Variants in UBE2G1 observed in about 807,000 individuals in gnomAD.
UBE2G1 encodes ubiquitin conjugating enzyme E2 G1.
In UBE2G1, 5 loss-of-function variants were observed where a neutral mutation model predicts 22.7. The observed-to-expected ratio is 0.22, with a 90% CI of 0.12 to 0.46. UBE2G1 has a LOEUF of 0.46. UBE2G1 is among the 20% of genes least tolerant of loss of function. The pLI is 0.99. For synonymous variants in UBE2G1, 74 were observed against 67.5 expected (o/e 1.10, Z -0.47); for missense variants, 88 against 203.9 (o/e 0.43, Z 3.46).
At chr17:4,351,883 C>G (rs905892692) in intron 1 of UBE2G1, among the ~76,000 whole-genome samples, 4 of 152,108 alleles carry the variant, frequency 2.6e-5, no homozygotes, top group African/African-American at 9.7e-5. Context: ...CTCAAAATAC[C>G]AGATGCGGCC....
At chr17:4,349,586 G>GT (rs2143813866) in intron 1 of UBE2G1, among the ~76,000 whole-genome samples, 1 of 152,232 alleles carries the variant, frequency 6.6e-6, no homozygotes, top group African/African-American at 2.4e-5. Flanking sequence ...GCTCACGCCT[G>GT]TAATCCCAGC....
chr17:4,307,900 C>T (rs767134205), intron 1 of UBE2G1, among the ~76,000 whole-genome samples: 1 of 152,070 alleles, frequency 6.6e-6, no homozygotes, highest in Non-Finnish European at 1.5e-5. Context: ...AAGACAGGGA[C>T]CTTAAGGAGC....
chr17:4,342,775 G>T (rs752889348), intron 1 of UBE2G1, among the ~76,000 whole-genome samples: 17 of 152,032 alleles, frequency 1.1e-4, no homozygotes, highest in Non-Finnish European at 1.8e-4. Context: ...TGTAAATCAG[G>T]TCATATCACT....
At chr17:4,347,605 G>A (rs2143809969) in intron 1 of UBE2G1, among the ~76,000 whole-genome samples, 1 of 148,580 alleles carries the variant, frequency 6.7e-6, no homozygotes, top group South Asian at 2.1e-4. Context: ...CTCCCAAATA[G>A]CTGCAACTAC....
At chr17:4,281,551 A>G (rs1968892173) in intron 5 of UBE2G1, among the ~76,000 whole-genome samples, 2 of 152,180 alleles carry the variant, frequency 1.3e-5, no homozygotes, top group African/African-American at 4.8e-5. Context: ...ACAAATCAAT[A>G]GGTCTTTTAT....
intron 1 of UBE2G1, among the ~76,000 whole-genome samples, chr17:4,325,435 C>G (rs1357164769): frequency 6.6e-6 from 1 of 152,134 alleles, no homozygotes; most frequent in Non-Finnish European, 1.5e-5. Context: ...GCATGTATCA[C>G]ACATATGTAC....
At chr17:4,285,588 T>C (rs1377157494) in intron 4 of UBE2G1, among the ~76,000 whole-genome samples, 1 of 152,088 alleles carries the variant, frequency 6.6e-6, no homozygotes, top group Non-Finnish European at 1.5e-5. Flanking sequence ...AAAGATTCAA[T>C]TGAGAAGAGC....
At chr17:4,300,144 C>T (rs570757218) in intron 2 of UBE2G1, among the ~76,000 whole-genome samples, 3 of 151,868 alleles carry the variant, frequency 2.0e-5, no homozygotes, top group African/African-American at 7.2e-5. Flanking sequence ...AAACTTCTAC[C>T]GAGCAGCCAA....
At chr17:4,273,492 C>T (rs28577048) in intron 5 of UBE2G1, among the ~76,000 whole-genome samples, 4,875 of 152,152 alleles carry the variant, frequency 0.032, 292 homozygotes, top group African/African-American at 0.11. Flanking sequence ...AGGCACACAC[C>T]ACCATGCCCA....
At chr17:4,321,194 C>A (rs1331275803) in intron 1 of UBE2G1, among the ~76,000 whole-genome samples, 1 of 152,114 alleles carries the variant, frequency 6.6e-6, no homozygotes, top group Non-Finnish European at 1.5e-5. Flanking sequence ...TCTCCTTGTA[C>A]ATCTGTGGAA....
intron 1 of UBE2G1, among the ~76,000 whole-genome samples, chr17:4,360,923 C>T (rs2143834574): frequency 6.7e-6 from 1 of 150,224 alleles, no homozygotes; most frequent in East Asian, 2.0e-4. Flanking sequence ...AAAAAATATA[C>T]ATCTATGCAA....
At chr17:4,274,185 T>C (rs1485969348) in intron 5 of UBE2G1, among the ~76,000 whole-genome samples, 1 of 144,078 alleles carries the variant, frequency 6.9e-6, no homozygotes, top group African/African-American at 2.6e-5. Flanking sequence ...TTTCATCCTG[T>C]TAGCCAGGAT....
At chr17:4,313,637 C>T (rs1969335884) in intron 1 of UBE2G1, among the ~76,000 whole-genome samples, 1 of 152,180 alleles carries the variant, frequency 6.6e-6, no homozygotes, top group Non-Finnish European at 1.5e-5. Flanking sequence ...CTCTCTCTCT[C>T]TCTCTCTGTC....
intron 3 of UBE2G1, among the ~76,000 whole-genome samples, chr17:4,290,579 C>T (rs560544642): frequency 6.3e-4 from 96 of 152,132 alleles, no homozygotes; most frequent in African/African-American, 2.2e-3. Flanking sequence ...TCAAACGATC[C>T]TCCTGCCTCA....
At position 4,298,738 on chromosome 17, in the gene UBE2G1, A is replaced by C. The variant is rs768076993; in HGVS notation, c.150-1924T>G. 4.6e-5 allele frequency among the ~76,000 whole-genome samples: 7 copies of C among 152,344 alleles called. No homozygotes were observed. The South Asian group carries it at 1.5e-3, about 32-fold the overall frequency. ...GCATAATAAACAGGACAATTTATAC[A>C]AAAAATTTAACAGTTGAAGATAGTA... On this transcript the variant is annotated intron_variant, in intron 2 of 5. Transcript: ENST00000396981.
chr17:4,311,734 A>G (rs1969312363), intron 1 of UBE2G1, among the ~76,000 whole-genome samples: 2 of 152,222 alleles, frequency 1.3e-5, no homozygotes, highest in South Asian at 4.1e-4. Context: ...CAACATCGTG[A>G]ATACACGAAA....
At chr17:4,302,758 C>T in intron 2 of UBE2G1, 1 of 184,760 alleles carries the variant, frequency 5.4e-6, no homozygotes, top group South Asian at 1.1e-4. Context: ...TTGAAAATCT[C>T]CATTTTTAAA....
At chr17:4,345,076 TGTCACATTA>T (rs1415915721) in intron 1 of UBE2G1, among the ~76,000 whole-genome samples, 1 of 152,166 alleles carries the variant, frequency 6.6e-6, no homozygotes, top group Non-Finnish European at 1.5e-5. Context: ...TCTGATATGA[TGTCACATTA>T]AAGCAAGAAG....
intron 2 of UBE2G1, among the ~76,000 whole-genome samples, chr17:4,305,563 G>T (rs1361264044): frequency 6.6e-6 from 1 of 152,178 alleles, no homozygotes; most frequent in Non-Finnish European, 1.5e-5. Flanking sequence ...TCTTTTTTGA[G>T]ACGGAGTCTC....
Sources: allele counts gnomAD v4.1 joint callset (sites outside exome capture counted in the v4.1 genomes callset), GRCh38; gene constraint gnomAD v4.1.1; transcripts MANE v1.5; gene names NCBI Gene and HGNC (gene_info 2026-07-23, HGNC 2026-07-21).